Variants in ZNF875 observed in about 807,000 individuals in gnomAD.
ZNF875 encodes the protein zinc finger protein 875.
A neutral mutation model predicts 11.2 loss-of-function variants in ZNF875; 14 were observed. That is an observed-to-expected ratio of 1.26 (90% CI 0.83 to 1.96). The LOEUF (loss-of-function observed/expected upper bound fraction) is 1.96. Among genes scored for constraint, ZNF875 ranks in the 30% most tolerant of loss-of-function variants. ZNF875 has a pLI of 0.00. For missense variants in ZNF875, 752 were observed against 760.4 expected (o/e 0.99, Z 0.13); for synonymous variants, 301 against 281.1 (o/e 1.07, Z -0.71).
In ZNF875 at chr19:37,334,698, G is replaced by T. The variant is rs1196276753; in HGVS notation, c.-141G>T. On this transcript the variant is annotated 5_prime_UTR_variant, in exon 1 of 5. Coordinates refer to ENST00000392153, the MANE Select transcript of ZNF875 (RefSeq NM_001353803.2). ...GTTAAGCTGGTTGGGACCCGGGAAG[G>T]CCTCCCTCTTAAGGTCTTTCCCACA... is the stretch of plus-strand genomic sequence containing the variant. 1 of 456,004 alleles carries T rather than the reference G, an allele frequency of 2.2e-6. No homozygotes were observed. The highest frequency in any genetic ancestry group is 1.5e-5 in the South Asian group (1 of 64,562). The allele number at this position is 456,004 out of a possible 1,614,324, so 28.2% of individuals were successfully genotyped here.
chr19:37,350,017 T>G (rs1197998796), intron 4 of ZNF875, among the ~76,000 whole-genome samples: 1 of 124,868 alleles, frequency 8.0e-6, no homozygotes, highest in African/African-American at 3.2e-5. Context: ...CAGGCTGGAG[T>G]GCAAAGGCGC....
chr19:37,339,497 T>G (rs1001228937), intron 2 of ZNF875, among the ~76,000 whole-genome samples: 2 of 152,052 alleles, frequency 1.3e-5, no homozygotes, highest in African/African-American at 2.4e-5. Flanking sequence ...ACATGACTGT[T>G]TTGAAGCATT....
intron 2 of ZNF875, among the ~76,000 whole-genome samples, chr19:37,342,455 C>T (rs953398512): frequency 1.3e-5 from 2 of 150,588 alleles, no homozygotes; most frequent in African/African-American, 2.4e-5. Flanking sequence ...TCTTGTTGCC[C>T]AGGCTGGAGT....
chr19:37,362,679 ACT>A lies in ZNF875; in HGVS notation c.830_831del (p.Ser277TrpfsTer71), dbSNP rs769904875. The A allele has an allele frequency of 6.2e-7, 1 of 1,612,890 alleles. No homozygotes were observed. Among genetic ancestry groups the A allele is most frequent in the South Asian group, 1.1e-5 (1 of 90,884 alleles). ...GTCCTCATCAAAAACCCAAGGACACACTCTGGGGGAAAGCCTTATGTGTGCAG... is the reference window on the plus strand; with the variant it reads ...GTCCTCATCAAAAACCCAAGGACACACTGGGGGAAAGCCTTATGTGTGCAG... On this transcript the variant is annotated frameshift_variant, in exon 5 of 5. Coordinates refer to ENST00000392153, the MANE Select transcript of ZNF875 (RefSeq NM_001353803.2). LOFTEE classifies it low-confidence loss of function (END_TRUNC).
rs992487839 is a variant in ZNF875, at chr19:37,334,678, G to A, written c.-161G>A. 2.2e-6 allele frequency: 1 copy of A among 456,084 alleles called. No homozygotes were observed. The highest frequency in any genetic ancestry group is 4.4e-6 in the Non-Finnish European group (1 of 226,816). 28.3% of individuals were successfully genotyped at this position (456,084 alleles called of 1,614,324 possible). On this transcript the variant is annotated 5_prime_UTR_variant, in exon 1 of 5. Transcript: ENST00000392153. ...CCGGTCGGTGGCCCAGGCGCGTTAA[G>A]CTGGTTGGGACCCGGGAAGGCCTCC...
chr19:37,334,909 C>G, intron 1 of ZNF875, 127 bp downstream of exon 1: 2 of 451,058 alleles, frequency 4.4e-6, no homozygotes, highest in Non-Finnish European at 8.6e-6. Context: ...GGCCATTTTC[C>G]TTTCATTCGA....
chr19:37,360,560 A>G (rs1192814360), intron 4 of ZNF875, among the ~76,000 whole-genome samples: 1 of 152,218 alleles, frequency 6.6e-6, no homozygotes, highest in Non-Finnish European at 1.5e-5. Context: ...AAGCCTTCCA[A>G]TCTATGACTG....
At chr19:37,329,046 G>C (rs1331727064) in intron 4 of ZNF875, 1 of 152,112 alleles carries the variant, frequency 6.6e-6, no homozygotes, top group Non-Finnish European at 1.5e-5. Flanking sequence ...CCAACAATCT[G>C]TGTTTAACAA....
At chr19:37,341,694 A>AC (rs372459263) in intron 2 of ZNF875, among the ~76,000 whole-genome samples, 3 of 152,014 alleles carry the variant, frequency 2.0e-5, no homozygotes, top group African/African-American at 4.8e-5. Flanking sequence ...AGATTAACTC[A>AC]CCCCCCTCCC....
At chr19:37,347,737 C>A in intron 3 of ZNF875, 40 bp from the exon 4 acceptor site, 1 of 1,296,168 alleles carries the variant, frequency 7.7e-7, no homozygotes, top group Non-Finnish European at 1.1e-6. Context: ...CCTCTTGAGC[C>A]CATAACCAAC....
chr19:37,320,952 T>C (rs7259968), intron 1 of ZNF875, among the ~76,000 whole-genome samples: 41,724 of 152,146 alleles, frequency 0.27, 7,202 homozygotes, highest in African/African-American at 0.48. Context: ...CGTACTCTGT[T>C]GGCTCAAGGT....
upstream of ZNF875, among the ~76,000 whole-genome samples, chr19:37,334,379 C>T (rs930196984): frequency 6.6e-6 from 1 of 152,360 alleles, no homozygotes; most frequent in East Asian, 1.9e-4. Flanking sequence ...ACCGGGACCA[C>T]ATTTTGCAGA....
chr19:37,356,959 T>A (rs2039015033), intron 4 of ZNF875, among the ~76,000 whole-genome samples: 1 of 152,210 alleles, frequency 6.6e-6, no homozygotes. Context: ...TAGTTTGAGG[T>A]CTTACATTTA....
At chr19:37,320,743 CT>C (rs1261743721) in intron 1 of ZNF875, among the ~76,000 whole-genome samples, 1 of 152,166 alleles carries the variant, frequency 6.6e-6, no homozygotes, top group Non-Finnish European at 1.5e-5. Context: ...GACTGAGTCC[CT>C]ACATGTAGTG....
chr19:37,321,023 C>G (rs187522060), intron 1 of ZNF875, among the ~76,000 whole-genome samples: 5 of 152,238 alleles, frequency 3.3e-5, no homozygotes, highest in Admixed American at 3.3e-4. Flanking sequence ...AGGCAGCATG[C>G]TTGTTAAAAG....
At chr19:37,334,421 TCAG>T (rs1188871695), upstream of ZNF875, among the ~76,000 whole-genome samples, 1 of 152,218 alleles carries the variant, frequency 6.6e-6, no homozygotes, top group African/African-American at 2.4e-5. Flanking sequence ...GCCTTCGCGG[TCAG>T]CAGATCTCAT....
At chr19:37,352,947 T>G (rs945970185) in intron 4 of ZNF875, among the ~76,000 whole-genome samples, 1 of 144,726 alleles carries the variant, frequency 6.9e-6, no homozygotes, top group Non-Finnish European at 1.5e-5. Context: ...AGATCTTGGC[T>G]CAGTCATCCT....
chr19:37,331,815 G>A (rs564225031), upstream of ZNF875, among the ~76,000 whole-genome samples: 35 of 131,608 alleles, frequency 2.7e-4, 7 homozygotes, highest in East Asian at 9.0e-3. Flanking sequence ...CCCCCAGCCC[G>A]ACACCCGTAA....
intron 4 of ZNF875, among the ~76,000 whole-genome samples, chr19:37,329,520 T>G (rs942419883): frequency 1.4e-4 from 22 of 152,238 alleles, no homozygotes; most frequent in Non-Finnish European, 2.8e-4. Context: ...TTGTCTCTAC[T>G]GGGTGATGCA....
Sources: gnomAD v4.1 joint callset for allele counts (sites outside exome capture counted in the v4.1 genomes callset) on GRCh38, gnomAD v4.1.1 for gene constraint, MANE v1.5 for transcripts, NCBI Gene and HGNC (gene_info 2026-07-23, HGNC 2026-07-21) for gene names.